The following ABI3BP variants were observed in gnomAD, a reference collection of about 807,000 sequenced individuals.
ABI3BP encodes the protein ABI family member 3 binding protein.
Under a neutral mutation model 268.6 loss-of-function variants are expected in ABI3BP, and 216 were observed. The ratio of observed to expected loss-of-function variants is 0.80; its 90% CI spans 0.72 to 0.90. ABI3BP has a LOEUF of 0.90. ABI3BP is among the 40% of genes least tolerant of loss of function. The probability of loss-of-function intolerance (pLI) is 0.00; values close to 1 mark genes in which losing one functional copy is unlikely to be tolerated. For missense variants in ABI3BP, 2,090 were observed against 2,182.4 expected, an observed-to-expected ratio of 0.96 and a Z score of 0.84; for synonymous variants, 730 against 730.0, an observed-to-expected ratio of 1.00 and a Z score of 0.00.
Position 100,886,281 on chromosome 3 carries a change from C to A in ABI3BP, c.504G>T (p.Lys168Asn). 1 of 1,608,248 alleles carries A rather than the reference C, an allele frequency of 6.2e-7. No homozygotes were observed. The highest frequency in any genetic ancestry group is 1.1e-5 in the South Asian group (1 of 90,468). Residue 168 changes from lysine to asparagine, a missense_variant, in exon 5 of 68, where the codon AAG (lysine) becomes AAT (asparagine). Physicochemically the swap from Lys to Asn is moderately conservative, Grantham distance 94 (BLOSUM62 0). Coordinates refer to ENST00000471714, the MANE Select transcript of ABI3BP (RefSeq NM_001375547.2). ...TGGCTGGACAGATTTGAAAAATCCACTTCTTTTCTTTATCCTTTTCTCGAT... is the reference window on the plus strand; with the variant it reads ...TGGCTGGACAGATTTGAAAAATCCAATTCTTTTCTTTATCCTTTTCTCGAT... The part of the protein sequence containing the change: ...IRYREKDKEK[K>N]WIFQICPATE...
intron 1 of ABI3BP, among the ~76,000 whole-genome samples, chr3:100,984,339 A>T (rs1334490160): frequency 2.0e-5 from 3 of 152,172 alleles, no homozygotes; most frequent in Non-Finnish European, 4.4e-5. Flanking sequence ...GAAAATATTG[A>T]ATTGCTATGT....
At chr3:100,784,535 C>T (rs2096966573) in intron 57 of ABI3BP, among the ~76,000 whole-genome samples, 1 of 152,056 alleles carries the variant, frequency 6.6e-6, no homozygotes, top group Non-Finnish European at 1.5e-5. Context: ...TGGGTATCTA[C>T]TTAGAGGAAA....
At chr3:100,755,528 G>T (rs1021998768) in intron 63 of ABI3BP, among the ~76,000 whole-genome samples, 4 of 151,976 alleles carry the variant, frequency 2.6e-5, no homozygotes, top group Admixed American at 6.6e-5. Context: ...AATTCATATC[G>T]GCCAGTCCCT....
intron 49 of ABI3BP, among the ~76,000 whole-genome samples, chr3:100,808,856 T>C (rs1389357144): frequency 6.6e-6 from 1 of 151,946 alleles, no homozygotes; most frequent in Non-Finnish European, 1.5e-5. Flanking sequence ...CCAAAAAAAA[T>C]TGAAAAATCT....
chr3:100,941,204 G>C (rs964415637), intron 1 of ABI3BP, among the ~76,000 whole-genome samples: 1 of 151,804 alleles, frequency 6.6e-6, no homozygotes, highest in Non-Finnish European at 1.5e-5. Context: ...CTCTGCTCCA[G>C]GGCAAGCAGA....
chr3:100,964,575 C>G (rs1244439923), intron 1 of ABI3BP, among the ~76,000 whole-genome samples: 1 of 152,166 alleles, frequency 6.6e-6, no homozygotes, highest in Non-Finnish European at 1.5e-5. Flanking sequence ...GGTATAGACA[C>G]CAGACAACGT....
intron 26 of ABI3BP, 124 bp downstream of exon 26, chr3:100,838,086 G>A (rs2098632365): frequency 9.0e-7 from 1 of 1,113,864 alleles, no homozygotes; most frequent in Non-Finnish European, 1.3e-6. Flanking sequence ...ACTTGGAGAA[G>A]ATAATGAACA....
chr3:100,941,085 A>G lies in ABI3BP; in HGVS notation c.80-14604T>C, dbSNP rs78490942. Among the ~76,000 whole-genome samples the G allele has an allele frequency of 6.6e-3, 1,002 of 151,770 alleles. 8 individuals carry two copies. The highest frequency in any genetic ancestry group is 0.021 in the African/African-American group (869 of 41,404). On this transcript the variant is annotated intron_variant, in intron 1 of 67. Coordinates refer to ENST00000471714, the MANE Select transcript of ABI3BP (RefSeq NM_001375547.2). ...CTATGGTAAAAGTCCCATAAGCCAC[A>G]TAGATAGCTGCCTCAGTGCCAAGGA...
At chr3:100,832,232 T>C in intron 31 of ABI3BP, 32 bp downstream of exon 31, 1 of 1,525,150 alleles carries the variant, frequency 6.6e-7, no homozygotes, top group Non-Finnish European at 8.8e-7. Flanking sequence ...GTAGACTGCT[T>C]GGATTCTACA....
intron 59 of ABI3BP, among the ~76,000 whole-genome samples, chr3:100,777,865 A>T (rs907620805): frequency 1.3e-5 from 2 of 152,178 alleles, no homozygotes; most frequent in Non-Finnish European, 2.9e-5. Context: ...GCCTGGCATG[A>T]AGGCTGTTGG....
intron 1 of ABI3BP, among the ~76,000 whole-genome samples, chr3:100,957,236 TAAAAAA>T (rs1484771194): frequency 6.6e-6 from 1 of 152,134 alleles, no homozygotes; most frequent in Non-Finnish European, 1.5e-5. Flanking sequence ...AAAGCAGAGC[TAAAAAA>T]TTTGTAGATG....
intron 14 of ABI3BP, 70 bp downstream of exon 14, chr3:100,862,241 C>T: frequency 7.9e-6 from 8 of 1,013,938 alleles, no homozygotes; most frequent in Non-Finnish European, 1.2e-5. Flanking sequence ...AATTAAGGAA[C>T]CTATAAAAAC....
intron 2 of ABI3BP, among the ~76,000 whole-genome samples, chr3:100,910,390 C>A (rs2055811226): frequency 6.9e-6 from 1 of 145,912 alleles, no homozygotes. Context: ...CACATGTACC[C>A]CAGAACTGAA....
intron 1 of ABI3BP, among the ~76,000 whole-genome samples, chr3:100,966,924 G>A (rs527834084): frequency 3.0e-4 from 45 of 151,286 alleles, no homozygotes; most frequent in Non-Finnish European, 5.3e-4. Context: ...ATTTTAAAGC[G>A]CTAGAATTTG....
At chr3:100,885,192 G>GCT (rs2041357407) in intron 6 of ABI3BP, among the ~76,000 whole-genome samples, 1 of 151,992 alleles carries the variant, frequency 6.6e-6, no homozygotes, top group African/African-American at 2.4e-5. Context: ...TTGAGCTGTA[G>GCT]CAATGTACAT....
intron 1 of ABI3BP, among the ~76,000 whole-genome samples, chr3:100,987,169 C>A (rs1396757533): frequency 6.6e-6 from 1 of 152,140 alleles, no homozygotes; most frequent in Non-Finnish European, 1.5e-5. Flanking sequence ...CAGGGAACAG[C>A]AAAAGGCAAA....
At chr3:100,835,452 C>G (rs1003535552) in intron 28 of ABI3BP, 149 bp downstream of exon 28, 3 of 643,386 alleles carry the variant, frequency 4.7e-6, no homozygotes, top group Non-Finnish European at 7.7e-6. Context: ...TAAGCACTTT[C>G]AATACATTCA....
chr3:100,933,264 G>T lies in ABI3BP; in HGVS notation c.80-6783C>A, dbSNP rs573340609. 1.3e-5 allele frequency among the ~76,000 whole-genome samples: 2 copies of T among 151,930 alleles called. 1 individual carries two copies. The highest frequency in any genetic ancestry group is 4.8e-5 in the African/African-American group (2 of 41,490). ...ATAGACTTAAAACAGATCAGGTACC[G>T]TATTAATTGCCATAAGATACTAAGT... On this transcript the variant is annotated intron_variant, in intron 1 of 67. Transcript: ENST00000471714.
At chr3:100,869,896 G>T (rs2099093575) in intron 9 of ABI3BP, among the ~76,000 whole-genome samples, 2 of 151,664 alleles carry the variant, frequency 1.3e-5, no homozygotes, top group Admixed American at 1.3e-4. Context: ...TTAATTTTTG[G>T]CAGGCCAAGT....
Sources: gnomAD v4.1 joint callset for allele counts (sites outside exome capture counted in the v4.1 genomes callset) on GRCh38, gnomAD v4.1.1 for gene constraint, MANE v1.5 for transcripts, NCBI Gene and HGNC (gene_info 2026-07-23, HGNC 2026-07-21) for gene names.